Variants in FLRT1 observed in about 807,000 individuals in gnomAD.
FLRT1 encodes fibronectin leucine rich transmembrane protein 1.
Under a neutral mutation model 30.9 loss-of-function variants are expected in FLRT1, and 14 were observed. That is an observed-to-expected ratio of 0.45 (90% CI 0.30 to 0.71). FLRT1 has a LOEUF of 0.71. FLRT1 is among the 30% of genes least tolerant of loss of function. The probability of loss-of-function intolerance (pLI) is 0.08; values close to 1 mark genes in which losing one functional copy is unlikely to be tolerated. For missense variants in FLRT1, 737 were observed against 949.2 expected (o/e 0.78, Z 2.94); for synonymous variants, 368 against 430.4 (o/e 0.85, Z 1.80).
rs1039110429 is a variant in FLRT1 at position 64,036,502 on chromosome 11, G to A, written c.-1038+343G>A. ...CCTCGCTGCACCCCCCAGGGAGGGG[G>A]CCTGGCCCGTGGGGGGCGTCAGGCC... is the stretch of plus-strand genomic sequence containing the variant. On this transcript the variant is annotated intron_variant, in intron 1 of 2. Transcript: ENST00000682287. The surrounding 1 kb of genome is among the most constrained non-coding windows in gnomAD (Gnocchi z 5.6). 1.3e-4 allele frequency among the ~76,000 whole-genome samples: 20 copies of A among 151,926 alleles called. No individual in the cohort carries two copies. The highest frequency in any genetic ancestry group is 4.6e-4 in the African/African-American group (19 of 41,366).
At chr11:64,111,587 T>C (rs1433969633) in intron 2 of FLRT1, among the ~76,000 whole-genome samples, 1 of 152,192 alleles carries the variant, frequency 6.6e-6, no homozygotes, top group Non-Finnish European at 1.5e-5. Context: ...AGTCTCAGGC[T>C]GCTGGGCTGT....
At chr11:64,047,192 C>T (rs1332235151) in intron 1 of FLRT1, among the ~76,000 whole-genome samples, 1 of 152,190 alleles carries the variant, frequency 6.6e-6, no homozygotes, top group Non-Finnish European at 1.5e-5. Flanking sequence ...TGCCCCCCTC[C>T]CCTCCCCTGC....
In FLRT1 at chr11:64,067,398, A is replaced by G. The variant is rs76628678; in HGVS notation, c.-1038+31239A>G. Among the ~76,000 whole-genome samples, 2 of 152,280 alleles carry G rather than the reference A, an allele frequency of 1.3e-5. No individual in the cohort carries two copies. The highest frequency in any genetic ancestry group is 2.9e-5 in the Non-Finnish European group (2 of 68,014). ...GACGTGAAAATGAAATATAGATTCA[A>G]TACCTGAGCCTTTCAGCTCACAAAT... On this transcript the variant is annotated intron_variant, in intron 1 of 2. Coordinates refer to ENST00000682287, the MANE Select transcript of FLRT1 (RefSeq NM_013280.5). The surrounding 1 kb of genome is among the most constrained non-coding windows in gnomAD (Gnocchi z 4.6).
At chr11:64,114,277 T>TGGAC in intron 2 of FLRT1, among the ~76,000 whole-genome samples, 1 of 148,830 alleles carries the variant, frequency 6.7e-6, no homozygotes, top group Non-Finnish European at 1.5e-5. Flanking sequence ...GATGGATGGA[T>TGGAC]GGATGGACAG....
intron 1 of FLRT1, among the ~76,000 whole-genome samples, chr11:64,065,747 G>A (rs538797996): frequency 2.7e-4 from 39 of 142,090 alleles, no homozygotes; most frequent in African/African-American, 9.8e-4. Flanking sequence ...CTGAGATGGC[G>A]CCACTGCACT....
At chr11:64,056,343 C>T (rs1943785358) in intron 1 of FLRT1, among the ~76,000 whole-genome samples, 1 of 152,168 alleles carries the variant, frequency 6.6e-6, no homozygotes, top group Non-Finnish European at 1.5e-5. Context: ...CCCCGCCACT[C>T]CCCGCCCAGG....
intron 1 of FLRT1, among the ~76,000 whole-genome samples, chr11:64,055,824 G>C (rs917766299): frequency 9.1e-4 from 138 of 152,238 alleles, no homozygotes; most frequent in Admixed American, 2.6e-3. Flanking sequence ...CCTCTTTCTG[G>C]GTACCATTCT....
At position 64,118,427 on chromosome 11, in the gene FLRT1, G is replaced by C; in HGVS notation, c.*135G>C. On this transcript the variant is annotated 3_prime_UTR_variant, in exon 3 of 3. Coordinates refer to ENST00000682287, the MANE Select transcript of FLRT1 (RefSeq NM_013280.5). The stretch of plus-strand genomic sequence containing the variant: ...GTGACTTTCCTCCGCAGAAAGCAAA[G>C]TTTGGGGAGGGCTGACGATTTTGTA... 1 of 1,125,968 alleles carries C rather than the reference G, an allele frequency of 8.9e-7. No individual in the cohort carries two copies. The highest frequency in any genetic ancestry group is 1.2e-6 in the Non-Finnish European group (1 of 836,060). 69.7% of individuals were successfully genotyped at this position (1,125,968 alleles called of 1,614,324 possible).
chr11:64,055,727 G>A (rs1943773246), intron 1 of FLRT1, among the ~76,000 whole-genome samples: 1 of 152,220 alleles, frequency 6.6e-6, no homozygotes, highest in Non-Finnish European at 1.5e-5. Flanking sequence ...GATGGGCCAT[G>A]GGAGGGAGTG....
chr11:64,069,651 G>T (rs1194489281), intron 1 of FLRT1, among the ~76,000 whole-genome samples: 1 of 152,160 alleles, frequency 6.6e-6, no homozygotes, highest in South Asian at 2.1e-4. Flanking sequence ...CTGGGCATGG[G>T]GAGGCAGCCC....
intron 1 of FLRT1, among the ~76,000 whole-genome samples, chr11:64,083,902 C>A (rs768713306): frequency 6.6e-6 from 1 of 152,190 alleles, no homozygotes; most frequent in African/African-American, 2.4e-5. Flanking sequence ...TGCAGGCGGG[C>A]GTGCGGCCGG....
chr11:64,066,460 T>C (rs1033448536), intron 1 of FLRT1, among the ~76,000 whole-genome samples: 10 of 149,972 alleles, frequency 6.7e-5, no homozygotes, highest in Non-Finnish European at 1.3e-4. Flanking sequence ...CTACAAAAAA[T>C]TTTAAAAAAT....
chr11:64,057,038 G>A lies in FLRT1; in HGVS notation c.-1038+20879G>A, dbSNP rs546328486. On this transcript the variant is annotated intron_variant, in intron 1 of 2. Coordinates refer to ENST00000682287, the MANE Select transcript of FLRT1 (RefSeq NM_013280.5). ...ACCCCCCTAAGCAAGCCTGCCCTGGGCTCCCAGGCTCCAGGCCTCCCTGCA... is the reference window on the plus strand; with the variant it reads ...ACCCCCCTAAGCAAGCCTGCCCTGGACTCCCAGGCTCCAGGCCTCCCTGCA... Among the ~76,000 whole-genome samples, 27 of 152,298 alleles carry A rather than the reference G, an allele frequency of 1.8e-4. No homozygotes were observed. The South Asian group carries it at 5.4e-3, about 30-fold the overall frequency.
At position 64,057,599 on chromosome 11, in the gene FLRT1, C is replaced by T. The variant is rs191856885; in HGVS notation, c.-1038+21440C>T. On this transcript the variant is annotated intron_variant, in intron 1 of 2. Coordinates refer to ENST00000682287, the MANE Select transcript of FLRT1 (RefSeq NM_013280.5). ...TGAGGCCATCTGGCTGGTCACTGCC[C>T]GAGCAGGACCTACACCCAAGGGCCT... Among the ~76,000 whole-genome samples the T allele has an allele frequency of 4.7e-3, 710 of 152,284 alleles. 6 individuals carry two copies. The highest frequency in any genetic ancestry group is 7.0e-3 in the Non-Finnish European group (477 of 68,014).
intron 1 of FLRT1, among the ~76,000 whole-genome samples, chr11:64,039,817 C>T (rs1256822618): frequency 6.6e-6 from 1 of 152,184 alleles, no homozygotes; most frequent in African/African-American, 2.4e-5. Flanking sequence ...AGGTTGTTTG[C>T]TGGATTCCTG....
At chr11:64,093,355 G>A (rs545954138) in intron 1 of FLRT1, among the ~76,000 whole-genome samples, 76 of 152,326 alleles carry the variant, frequency 5.0e-4, no homozygotes, top group Non-Finnish European at 8.5e-4. Flanking sequence ...AAGAGCTCAC[G>A]GCCCATTGGG....
At chr11:64,095,124 G>C (rs1410809987) in intron 1 of FLRT1, among the ~76,000 whole-genome samples, 2 of 152,336 alleles carry the variant, frequency 1.3e-5, no homozygotes, top group South Asian at 4.1e-4. Flanking sequence ...GGAAAGCCAG[G>C]CGTCTGCAAA....
At chr11:64,061,506 T>TC (rs1943903225) in intron 1 of FLRT1, among the ~76,000 whole-genome samples, 1 of 152,132 alleles carries the variant, frequency 6.6e-6, no homozygotes, top group South Asian at 2.1e-4. Context: ...AGGCAGCTCC[T>TC]CCCCGGCTCT....
intron 1 of FLRT1, among the ~76,000 whole-genome samples, chr11:64,042,237 G>C (rs950478350): frequency 6.6e-6 from 1 of 152,148 alleles, no homozygotes. Context: ...TCTTCCCTGA[G>C]CCAGCCTGAG....
Sources: gnomAD v4.1 joint callset for allele counts (sites outside exome capture counted in the v4.1 genomes callset) on GRCh38, gnomAD v4.1.1 for gene constraint, Gnocchi (gnomAD v3.1) non-coding constraint, MANE v1.5 for transcripts, NCBI Gene and HGNC (gene_info 2026-07-23, HGNC 2026-07-21) for gene names.